Variants in SMOC1 observed in about 807,000 individuals in gnomAD.
SMOC1 encodes the protein SPARC related modular calcium binding 1.
Under a neutral mutation model 56.3 loss-of-function variants are expected in SMOC1, and 22 were observed. The ratio of observed to expected loss-of-function variants is 0.39; its 90% confidence interval spans 0.28 to 0.56. SMOC1 has a LOEUF of 0.56. Among genes scored for constraint, SMOC1 ranks in the 20% least tolerant of loss-of-function variants. SMOC1 has a pLI of 0.61. For synonymous variants in SMOC1, 193 were observed against 215.0 expected (o/e 0.90, Z 0.89); for missense variants, 509 against 565.4 (o/e 0.90, Z 1.01).
chr14:69,987,498 A>G (rs1884407958), intron 5 of SMOC1, among the ~76,000 whole-genome samples: 1 of 152,204 alleles, frequency 6.6e-6, no homozygotes, highest in South Asian at 2.1e-4. Flanking sequence ...TGGCCAGAAT[A>G]AACTCATTGT....
intron 7 of SMOC1, among the ~76,000 whole-genome samples, chr14:70,007,941 T>C (rs539102841): frequency 1.3e-5 from 2 of 152,308 alleles, no homozygotes; most frequent in Non-Finnish European, 2.9e-5. Context: ...AGTGCTATTA[T>C]GATAAATCAC....
intron 3 of SMOC1, among the ~76,000 whole-genome samples, chr14:69,966,162 CT>C (rs1050030702): frequency 6.6e-6 from 1 of 152,074 alleles, no homozygotes; most frequent in African/African-American, 2.4e-5. Context: ...TTATTATGTA[CT>C]TTTTAAACAT....
chr14:69,891,229 CA>C, intron 1 of SMOC1, among the ~76,000 whole-genome samples: 1 of 152,028 alleles, frequency 6.6e-6, no homozygotes, highest in East Asian at 1.9e-4. Context: ...GTGTGGAGCT[CA>C]GGTTAATTGT....
At chr14:69,983,201 T>C (rs1272536416) in intron 5 of SMOC1, among the ~76,000 whole-genome samples, 3 of 152,152 alleles carry the variant, frequency 2.0e-5, no homozygotes, top group South Asian at 2.1e-4. Context: ...CATATCCTCA[T>C]CTCCAAGGAT....
intron 7 of SMOC1, among the ~76,000 whole-genome samples, chr14:70,007,438 A>G (rs753629653): frequency 7.2e-5 from 11 of 152,242 alleles, no homozygotes; most frequent in African/African-American, 1.4e-4. Context: ...AAAAATATCC[A>G]GGTACAAGAT....
chr14:70,029,861 G>A (rs1886073953), intron 11 of SMOC1, among the ~76,000 whole-genome samples: 1 of 152,176 alleles, frequency 6.6e-6, no homozygotes. Flanking sequence ...ATCCCCACCT[G>A]TAAACAAACC....
chr14:70,005,106 G>T (rs757134332), intron 7 of SMOC1, among the ~76,000 whole-genome samples: 2 of 152,224 alleles, frequency 1.3e-5, no homozygotes, highest in Non-Finnish European at 2.9e-5. Flanking sequence ...AGAAAGAAAG[G>T]CCAGCCCAAA....
chr14:69,964,148 C>T lies in SMOC1; in HGVS notation c.378+10616C>T, dbSNP rs184816258. Among the ~76,000 whole-genome samples the T allele has an allele frequency of 5.3e-5, 8 of 152,272 alleles. No individual in the cohort carries two copies. In the South Asian group the frequency reaches 8.3e-4, roughly 16 times the overall value. ...GTAAGCATGCAAGGTTTGGGTGCTC[C>T]CAGCTGGGCATCCGAGCTCCCTGTA... On this transcript the variant is annotated intron_variant, in intron 3 of 11. Transcript: ENST00000361956.
At chr14:70,027,737 A>G (rs1885983676) in intron 11 of SMOC1, among the ~76,000 whole-genome samples, 2 of 152,314 alleles carry the variant, frequency 1.3e-5, no homozygotes, top group Non-Finnish European at 2.9e-5. Context: ...TATAGTACCT[A>G]CCTCAACGAT....
At chr14:69,965,963 A>G (rs994237650) in intron 3 of SMOC1, among the ~76,000 whole-genome samples, 2 of 152,126 alleles carry the variant, frequency 1.3e-5, no homozygotes, top group African/African-American at 4.8e-5. Flanking sequence ...ATTTTTTTTC[A>G]TGTCAAAATA....
At chr14:69,883,074 T>C (rs148915630) in intron 1 of SMOC1, among the ~76,000 whole-genome samples, 1 of 152,360 alleles carries the variant, frequency 6.6e-6, no homozygotes, top group African/African-American at 2.4e-5. Flanking sequence ...ATATATACAT[T>C]ATGAAATAGT....
At chr14:69,992,072 G>A (rs1594843065) in intron 5 of SMOC1, among the ~76,000 whole-genome samples, 1 of 152,220 alleles carries the variant, frequency 6.6e-6, no homozygotes, top group South Asian at 2.1e-4. Flanking sequence ...GGGCTGAGGG[G>A]GAGATACTGC....
rs148669361 is a variant in SMOC1, at chr14:70,030,053, T to C, written c.1292-189T>C. ...TGGCAAAGGACAGGCTGGTAAAACA[T>C]GCTCATCTGCAAGTCCAGGCAACCT... is the stretch of plus-strand genomic sequence containing the variant. On this transcript the variant is annotated intron_variant, in intron 11 of 11. Transcript: ENST00000361956. 1.8e-3 allele frequency among the ~76,000 whole-genome samples: 269 copies of C among 152,300 alleles called. 3 individuals are homozygous for C. Among genetic ancestry groups the C allele is most frequent in the Middle Eastern group, 0.01 (3 of 294 alleles).
intron 3 of SMOC1, among the ~76,000 whole-genome samples, chr14:69,965,242 G>A (rs559019155): frequency 6.6e-6 from 1 of 152,192 alleles, no homozygotes; most frequent in Admixed American, 6.5e-5. Context: ...TTAGCCAGGT[G>A]TGGTGGTACA....
intron 7 of SMOC1, among the ~76,000 whole-genome samples, chr14:70,003,616 A>G (rs17175109): frequency 0.099 from 15,105 of 152,146 alleles, 937 homozygotes; most frequent in Non-Finnish European, 0.13. Flanking sequence ...TGGCTCTCCT[A>G]TGGCCACCAG....
intron 7 of SMOC1, among the ~76,000 whole-genome samples, chr14:69,995,718 C>T (rs1328837616): frequency 2.0e-5 from 3 of 152,156 alleles, no homozygotes; most frequent in Admixed American, 2.0e-4. Flanking sequence ...ATATGGCACT[C>T]AACTGATGCC....
chr14:69,970,339 A>T (rs1883712948), intron 3 of SMOC1, among the ~76,000 whole-genome samples: 1 of 152,090 alleles, frequency 6.6e-6, no homozygotes, highest in Non-Finnish European at 1.5e-5. Context: ...GGAGCCAACT[A>T]CTACTCTGTC....
At chr14:69,985,698 G>T (rs1434416171) in intron 5 of SMOC1, among the ~76,000 whole-genome samples, 1 of 152,184 alleles carries the variant, frequency 6.6e-6, no homozygotes, top group South Asian at 2.1e-4. Context: ...TCATGACTTT[G>T]TCCAGCATAC....
chr14:69,883,029 A>G (rs1883686699), intron 1 of SMOC1, among the ~76,000 whole-genome samples: 1 of 152,210 alleles, frequency 6.6e-6, no homozygotes, highest in African/African-American at 2.4e-5. Context: ...ATAGCATTGT[A>G]TGTATTTATT....
Sources: allele counts gnomAD v4.1 joint callset (sites outside exome capture counted in the v4.1 genomes callset), GRCh38; gene constraint gnomAD v4.1.1; transcripts MANE v1.5; gene names NCBI Gene and HGNC (gene_info 2026-07-23, HGNC 2026-07-21).